Variants in CMTM4 observed in about 807,000 individuals in gnomAD.
CMTM4 encodes the protein CKLF-like MARVEL transmembrane domain-containing protein 4.
In CMTM4, 8 loss-of-function variants were observed where a neutral mutation model predicts 19.0. The observed-to-expected ratio is 0.42, with a 90% confidence interval of 0.25 to 0.76. CMTM4 has a LOEUF of 0.76. Among genes scored for constraint, CMTM4 ranks in the 30% least tolerant of loss-of-function variants. The pLI, the probability that CMTM4 is intolerant of heterozygous loss-of-function variation, is 0.27. For missense variants in CMTM4, 228 were observed against 290.2 expected, an observed-to-expected ratio of 0.79 and a Z score of 1.56; for synonymous variants, 106 against 121.1, an observed-to-expected ratio of 0.88 and a Z score of 0.82.
At chr16:66,663,532 CTTTTTTTTTT>C (rs1178140315) in intron 1 of CMTM4, among the ~76,000 whole-genome samples, 3 of 55,256 alleles carry the variant, frequency 5.4e-5, no homozygotes, top group Admixed American at 2.2e-4. Flanking sequence ...TTTTCATTTG[CTTTTTTTTTT>C]TTTTTTTTTT....
chr16:66,670,843 C>G (rs897418305), intron 1 of CMTM4, among the ~76,000 whole-genome samples: 1 of 151,950 alleles, frequency 6.6e-6, no homozygotes, highest in Non-Finnish European at 1.5e-5. Context: ...TCAAAAACCA[C>G]TCTGCATCAT....
At chr16:66,663,908 C>T (rs12597676) in intron 1 of CMTM4, among the ~76,000 whole-genome samples, 107,537 of 152,028 alleles carry the variant, frequency 0.71, 39,326 homozygotes, top group African/African-American at 0.91. Flanking sequence ...TTAAAGAGTA[C>T]GCATCCCTAC....
downstream of CMTM4, among the ~76,000 whole-genome samples, chr16:66,611,834 C>T (rs1053248824): frequency 1.3e-5 from 2 of 151,852 alleles, no homozygotes; most frequent in African/African-American, 4.8e-5. Flanking sequence ...CAATATTAAA[C>T]AAGGATTGGG....
At chr16:66,674,715 G>GAA (rs1452025681) in intron 1 of CMTM4, among the ~76,000 whole-genome samples, 2 of 147,874 alleles carry the variant, frequency 1.4e-5, no homozygotes, top group Non-Finnish European at 3.0e-5. Context: ...ACCAAGTGCT[G>GAA]AAAGGTGTTA....
At chr16:66,660,844 C>G (rs1437993107) in intron 1 of CMTM4, among the ~76,000 whole-genome samples, 1 of 152,158 alleles carries the variant, frequency 6.6e-6, no homozygotes, top group Non-Finnish European at 1.5e-5. Context: ...CTGCCCTGTC[C>G]CCATAGTCAG....
At chr16:66,631,341 G>A (rs1296131610) in intron 2 of CMTM4, among the ~76,000 whole-genome samples, 13 of 148,488 alleles carry the variant, frequency 8.8e-5, no homozygotes, top group South Asian at 4.3e-4. Context: ...CAGCCGCCCC[G>A]TCCGGGAGGT....
intron 1 of CMTM4, among the ~76,000 whole-genome samples, chr16:66,674,573 C>G (rs1165094397): frequency 6.6e-6 from 1 of 152,018 alleles, no homozygotes; most frequent in Non-Finnish European, 1.5e-5. Flanking sequence ...CTAATTTCCA[C>G]TGGAATTAGG....
At chr16:66,609,299 T>G in the CMTM4 span, 4 of 703,918 alleles carry the variant, frequency 5.7e-6, no homozygotes, top group Admixed American at 1.0e-4. This position sits in a 1 kb window ranked among gnomAD's most constrained non-coding sequence, Gnocchi z 4.4. Context: ...GGCCTAGGCA[T>G]GTGGGTGGGG....
intron 1 of CMTM4, among the ~76,000 whole-genome samples, chr16:66,657,245 C>T (rs972613668): frequency 1.3e-5 from 2 of 152,110 alleles, no homozygotes; most frequent in African/African-American, 2.4e-5. Context: ...CTACCACGTC[C>T]GGCTAATTTT....
At chr16:66,623,186 G>A (rs766590636) in intron 3 of CMTM4, among the ~76,000 whole-genome samples, 16 of 152,208 alleles carry the variant, frequency 1.1e-4, no homozygotes, top group Non-Finnish European at 2.1e-4. Context: ...GCTCTGGAGC[G>A]GAGCCTAAGG....
intron 2 of CMTM4, among the ~76,000 whole-genome samples, chr16:66,628,309 G>C (rs896061523): frequency 6.6e-6 from 1 of 152,156 alleles, no homozygotes; most frequent in African/African-American, 2.4e-5. Flanking sequence ...GACCCTTTAC[G>C]GGTGTCGGGC....
chr16:66,619,750 G>A lies in CMTM4; in HGVS notation c.*2308C>T. Reference sequence around the variant, plus strand: ...ATAGCACCACTTCCGGTTCTAGTGGGAGTTAATTAAATACAAGGAGAACAT... The same window carrying A: ...ATAGCACCACTTCCGGTTCTAGTGGAAGTTAATTAAATACAAGGAGAACAT... On this transcript the variant is annotated 3_prime_UTR_variant, in exon 4 of 4. Coordinates refer to ENST00000394106, the MANE Select transcript of CMTM4 (RefSeq NM_181521.3). 1 of 985,342 alleles carries A rather than the reference G, an allele frequency of 1.0e-6. No individual in the cohort carries two copies. Among genetic ancestry groups the A allele is most frequent in the Middle Eastern group, 5.2e-4 (1 of 1,914 alleles). 61.0% of individuals were successfully genotyped at this position (985,342 alleles called of 1,614,324 possible).
the CMTM4 span, among the ~76,000 whole-genome samples, chr16:66,605,878 C>T: frequency 3.9e-5 from 6 of 152,086 alleles, no homozygotes; most frequent in Non-Finnish European, 8.8e-5. This position sits in a 1 kb window ranked among gnomAD's most constrained non-coding sequence, Gnocchi z 4.6. Flanking sequence ...GCCTCTCCCA[C>T]GGTCAGCCCA....
At chr16:66,607,869 GTCTC>G in the CMTM4 span, among the ~76,000 whole-genome samples, 1 of 150,958 alleles carries the variant, frequency 6.6e-6, no homozygotes, top group South Asian at 2.1e-4. Flanking sequence ...TGCGGACAGG[GTCTC>G]TCTCTCTCTC....
At chr16:66,612,763 G>A (rs2015430857), downstream of CMTM4, 10 of 882,688 alleles carry the variant, frequency 1.1e-5, no homozygotes, top group Non-Finnish European at 1.8e-5. This position sits in a 1 kb window ranked among gnomAD's most constrained non-coding sequence, Gnocchi z 6.0. Context: ...GACACAGCAG[G>A]CCCCCTACAG....
intron 1 of CMTM4, among the ~76,000 whole-genome samples, chr16:66,672,955 C>G (rs2016738624): frequency 1.5e-5 from 2 of 132,572 alleles, no homozygotes; most frequent in African/African-American, 5.7e-5. Context: ...CGGAGTCTTG[C>G]TCCCATCACA....
chr16:66,668,268 C>G (rs1303142194), intron 1 of CMTM4, among the ~76,000 whole-genome samples: 1 of 152,022 alleles, frequency 6.6e-6, no homozygotes, highest in Non-Finnish European at 1.5e-5. Context: ...CTCAGCCCCC[C>G]AGAGTGCTGG....
chr16:66,608,599 G>A, the CMTM4 span: 1 of 825,082 alleles, frequency 1.2e-6, no homozygotes. The surrounding 1 kb of genome is among the most constrained non-coding windows in gnomAD (Gnocchi z 5.1). Context: ...TGGATGGAGA[G>A]ACCCAGCTTC....
At position 66,622,047 on chromosome 16, in the gene CMTM4, C is replaced by A. The variant is rs1439692485; in HGVS notation, c.*11G>T. ...CACGAGGACGGGAGGGAGGAGGATC[C>A]AGGCAGGTCCTCACGTGTCCAGGCG... On this transcript the variant is annotated 3_prime_UTR_variant, in exon 4 of 4. Coordinates refer to ENST00000394106, the MANE Select transcript of CMTM4 (RefSeq NM_181521.3). The surrounding 1 kb of genome is among the most constrained non-coding windows in gnomAD (Gnocchi z 4.0). The A allele has an allele frequency of 6.4e-7, 1 of 1,557,766 alleles. No individual in the cohort carries two copies. Among genetic ancestry groups the A allele is most frequent in the Admixed American group, 1.9e-5 (1 of 51,648 alleles).
Sources: gnomAD v4.1 joint callset for allele counts (sites outside exome capture counted in the v4.1 genomes callset) on GRCh38, gnomAD v4.1.1 for gene constraint, Gnocchi (gnomAD v3.1) non-coding constraint, MANE v1.5 for transcripts, NCBI Gene and HGNC (gene_info 2026-07-23, HGNC 2026-07-21) for gene names.